DIP2C: variants seen among roughly 807,000 people sequenced by gnomAD.
DIP2C encodes the protein DIP2 acetate--CoA ligase C (putative).
In DIP2C, 33 loss-of-function variants were observed where a neutral mutation model predicts 192.4. The observed-to-expected ratio is 0.17, with a 90% CI of 0.13 to 0.23. The LOEUF (loss-of-function observed/expected upper bound fraction) is 0.23, where lower values mean the gene tolerates loss of function less well. Among genes scored for constraint, DIP2C ranks in the 10% least tolerant of loss-of-function variants. The probability of loss-of-function intolerance (pLI) is 1.00; values close to 1 mark genes in which losing one functional copy is unlikely to be tolerated. For missense variants in DIP2C, 1,537 were observed against 2,110.1 expected, an observed-to-expected ratio of 0.73 and a Z score of 5.32; for synonymous variants, 979 against 864.1, an observed-to-expected ratio of 1.13 and a Z score of -2.33.
At chr10:612,808 G>T (rs1289097528) in intron 1 of DIP2C, among the ~76,000 whole-genome samples, 3 of 152,082 alleles carry the variant, frequency 2.0e-5, no homozygotes, top group Admixed American at 2.0e-4. Flanking sequence ...AAATATTGAC[G>T]CTCCACAGAA....
At chr10:446,243 C>T (rs533746410) in intron 3 of DIP2C, among the ~76,000 whole-genome samples, 1 of 152,188 alleles carries the variant, frequency 6.6e-6, no homozygotes, top group East Asian at 1.9e-4. Flanking sequence ...GTCCACTGGG[C>T]ATCTGTATAC....
intron 1 of DIP2C, chr10:663,019 G>GA: frequency 1.4e-6 from 1 of 699,536 alleles, no homozygotes. Context: ...CTATGTCCAG[G>GA]AAAGACTCTA....
At chr10:533,757 C>T (rs1450792101) in intron 1 of DIP2C, among the ~76,000 whole-genome samples, 1 of 151,964 alleles carries the variant, frequency 6.6e-6, no homozygotes, top group Non-Finnish European at 1.5e-5. Flanking sequence ...GAGATAAATG[C>T]GTATCTGCTT....
At chr10:551,458 C>T (rs1423297171) in intron 1 of DIP2C, among the ~76,000 whole-genome samples, 1 of 152,154 alleles carries the variant, frequency 6.6e-6, no homozygotes, top group Non-Finnish European at 1.5e-5. Flanking sequence ...CCCCCGAGGC[C>T]AATAACCTAG....
intron 1 of DIP2C, among the ~76,000 whole-genome samples, chr10:604,702 G>T (rs994056736): frequency 2.0e-5 from 3 of 152,240 alleles, no homozygotes; most frequent in Admixed American, 6.5e-5. Context: ...TCCCCTAAAA[G>T]ACATTTGTCA....
chr10:545,407 C>T (rs989573095), intron 1 of DIP2C, among the ~76,000 whole-genome samples: 4 of 152,086 alleles, frequency 2.6e-5, no homozygotes, highest in African/African-American at 7.2e-5. Context: ...CCACCCACCT[C>T]GGCCTCCCAA....
chr10:328,008 G>C (rs928345698), intron 30 of DIP2C, among the ~76,000 whole-genome samples: 3 of 152,212 alleles, frequency 2.0e-5, no homozygotes, highest in Non-Finnish European at 2.9e-5. Context: ...GGCGAGCCGT[G>C]AATGTCTGCG....
chr10:570,183 T>C (rs1048016703), intron 1 of DIP2C, among the ~76,000 whole-genome samples: 56 of 152,324 alleles, frequency 3.7e-4, no homozygotes, highest in African/African-American at 1.2e-3. Flanking sequence ...CAGCCTGTCA[T>C]TGCCACCATA....
intron 2 of DIP2C, among the ~76,000 whole-genome samples, chr10:484,026 T>C (rs1298874187): frequency 2.0e-5 from 3 of 152,102 alleles, no homozygotes; most frequent in Non-Finnish European, 4.4e-5. Flanking sequence ...CCCAGGCTGG[T>C]CTGAAACACC....
chr10:488,424 T>C (rs896925214), intron 1 of DIP2C, among the ~76,000 whole-genome samples: 4 of 152,182 alleles, frequency 2.6e-5, no homozygotes, highest in African/African-American at 9.7e-5. Context: ...AGATGAGAAT[T>C]TGAGGCACAA....
intron 2 of DIP2C, among the ~76,000 whole-genome samples, chr10:475,966 A>G (rs889728828): frequency 6.6e-6 from 1 of 152,218 alleles, no homozygotes; most frequent in African/African-American, 2.4e-5. Flanking sequence ...ACTAAGACGC[A>G]TGACTGCAGC....
intron 1 of DIP2C, among the ~76,000 whole-genome samples, chr10:536,843 AC>A (rs1451297706): frequency 6.6e-6 from 1 of 152,204 alleles, no homozygotes; most frequent in African/African-American, 2.4e-5. Context: ...GTCATCTGAA[AC>A]CATCTTCTTG....
chr10:440,782 T>G (rs1023791580), intron 4 of DIP2C, 89 bp downstream of exon 4: 1 of 1,498,312 alleles, frequency 6.7e-7, no homozygotes, highest in Non-Finnish European at 8.9e-7. Flanking sequence ...TTCATTATTT[T>G]GAAAGCAAAA....
chr10:678,035 G>A (rs1588753395), intron 1 of DIP2C, among the ~76,000 whole-genome samples: 1 of 152,250 alleles, frequency 6.6e-6, no homozygotes, highest in Non-Finnish European at 1.5e-5. Context: ...CCAGCCTCCT[G>A]CACACACTGG....
intron 14 of DIP2C, 54 bp from the exon 15 acceptor site, chr10:384,693 C>T: frequency 6.4e-7 from 1 of 1,573,298 alleles, no homozygotes; most frequent in Non-Finnish European, 8.7e-7. Flanking sequence ...CGCAGAGGAG[C>T]AGCTCTCACC....
intron 1 of DIP2C, among the ~76,000 whole-genome samples, chr10:673,585 T>C (rs899093074): frequency 3.9e-5 from 6 of 152,232 alleles, no homozygotes; most frequent in African/African-American, 1.4e-4. Flanking sequence ...TGAGAATTCC[T>C]GCAGAAGACG....
At chr10:469,642 T>C (rs1229488190) in intron 3 of DIP2C, among the ~76,000 whole-genome samples, 1 of 152,110 alleles carries the variant, frequency 6.6e-6, no homozygotes, top group African/African-American at 2.4e-5. Flanking sequence ...TAAGTACACA[T>C]CAGTTTCAGG....
At chr10:447,337 TCA>T (rs1166555092) in intron 3 of DIP2C, among the ~76,000 whole-genome samples, 1 of 146,804 alleles carries the variant, frequency 6.8e-6, no homozygotes, top group African/African-American at 2.6e-5. Context: ...ATATTCAGGA[TCA>T]CACACAGTGG....
At chr10:533,226 A>G (rs1275700694) in intron 1 of DIP2C, among the ~76,000 whole-genome samples, 3 of 152,136 alleles carry the variant, frequency 2.0e-5, no homozygotes, top group African/African-American at 7.2e-5. Context: ...GGAGAGAAAG[A>G]AAGAAGGGTG....
Sources: allele counts gnomAD v4.1 joint callset (sites outside exome capture counted in the v4.1 genomes callset), GRCh38; gene constraint gnomAD v4.1.1; transcripts MANE v1.5; gene names NCBI Gene and HGNC (gene_info 2026-07-23, HGNC 2026-07-21).